CCNY: variants seen among roughly 807,000 people sequenced by gnomAD.
CCNY encodes the protein cyclin Y.
In CCNY, 19 loss-of-function variants were observed where a neutral mutation model predicts 42.8. The observed-to-expected ratio is 0.44, with a 90% confidence interval of 0.31 to 0.65. The LOEUF (loss-of-function observed/expected upper bound fraction) is 0.65, where lower values mean the gene tolerates loss of function less well. CCNY is among the 30% of genes least tolerant of loss of function. CCNY has a pLI of 0.07. For synonymous variants in CCNY, 165 were observed against 162.7 expected (o/e 1.01, Z -0.11); for missense variants, 370 against 437.3 (o/e 0.85, Z 1.37).
At chr10:35,564,535 C>T (rs1294556960) in intron 8 of CCNY, among the ~76,000 whole-genome samples, 2 of 152,214 alleles carry the variant, frequency 1.3e-5, no homozygotes, top group African/African-American at 4.8e-5. Flanking sequence ...CTCGGGACAT[C>T]ACTCAGGACA....
intron 2 of CCNY, among the ~76,000 whole-genome samples, chr10:35,489,541 C>T (rs545708295): frequency 6.6e-6 from 1 of 152,140 alleles, no homozygotes; most frequent in Non-Finnish European, 1.5e-5. Context: ...ACCTCATGAG[C>T]CACTGCACCC....
intron 7 of CCNY, among the ~76,000 whole-genome samples, chr10:35,544,393 T>C (rs2135439570): frequency 6.6e-6 from 1 of 152,346 alleles, no homozygotes; most frequent in Admixed American, 6.5e-5. Context: ...AGTCATGTGC[T>C]ATACAGGTTT....
intron 2 of CCNY, among the ~76,000 whole-genome samples, chr10:35,491,016 C>G (rs560350462): frequency 1.3e-5 from 2 of 152,332 alleles, no homozygotes; most frequent in East Asian, 3.9e-4. Flanking sequence ...ACTACCTCAC[C>G]TGTCTTTCCC....
At chr10:35,488,967 A>G (rs1309789043) in intron 2 of CCNY, among the ~76,000 whole-genome samples, 1 of 152,192 alleles carries the variant, frequency 6.6e-6, no homozygotes, top group Non-Finnish European at 1.5e-5. Context: ...TTATCACACT[A>G]TCATATTCTT....
chr10:35,330,495 C>T (rs927710955), intron 3 of CCNY, among the ~76,000 whole-genome samples: 2 of 152,212 alleles, frequency 1.3e-5, no homozygotes, highest in Non-Finnish European at 2.9e-5. Context: ...AAACTGTCAA[C>T]ATGAATATAT....
chr10:35,408,998 T>A (rs1055207588), intron 1 of CCNY, among the ~76,000 whole-genome samples: 8 of 152,156 alleles, frequency 5.3e-5, no homozygotes, highest in Non-Finnish European at 7.3e-5. Flanking sequence ...AAGAGTTATT[T>A]TGTCTTGACC....
In CCNY at chr10:35,280,389, G is replaced by A. The variant is rs879552112; in HGVS notation, c.-9+29763G>A. Among the ~76,000 whole-genome samples, 966 of 150,136 alleles carry A rather than the reference G, an allele frequency of 6.4e-3. 5 individuals are homozygous for A. The highest frequency in any genetic ancestry group is 0.011 in the Non-Finnish European group (732 of 67,598). On this transcript the variant is annotated intron_variant, in intron 3 of 11. Transcript: ENST00000374706. Reference sequence around the variant, plus strand: ...AGGAAGAAAGGAAGAAGGGAAGAAAGGAAGAAGGAAAGGAAGGAAGGAAGA... The same window carrying A: ...AGGAAGAAAGGAAGAAGGGAAGAAAAGAAGAAGGAAAGGAAGGAAGGAAGA...
intron 1 of CCNY, among the ~76,000 whole-genome samples, chr10:35,369,917 A>G (rs1361093327): frequency 1.3e-5 from 2 of 152,240 alleles, no homozygotes; most frequent in African/African-American, 4.8e-5. Flanking sequence ...TAAAAAGGTG[A>G]CCTGTTTATT....
At chr10:35,307,732 GTA>G (rs1214043971) in intron 3 of CCNY, among the ~76,000 whole-genome samples, 1 of 138,072 alleles carries the variant, frequency 7.2e-6, no homozygotes, top group African/African-American at 2.7e-5. Context: ...ACACATATAT[GTA>G]TATATATACA....
chr10:35,528,075 G>T (rs1840688817), intron 5 of CCNY, among the ~76,000 whole-genome samples: 2 of 152,090 alleles, frequency 1.3e-5, no homozygotes, highest in Non-Finnish European at 2.9e-5. Flanking sequence ...GCTTTCAGGG[G>T]CTCTCATTCT....
chr10:35,419,687 A>G (rs1388168469), intron 1 of CCNY, among the ~76,000 whole-genome samples: 7 of 151,438 alleles, frequency 4.6e-5, no homozygotes, highest in Non-Finnish European at 1.0e-4. Context: ...TTGATATACA[A>G]CTCAATTAGT....
At chr10:35,408,762 T>C (rs1010996350) in intron 1 of CCNY, among the ~76,000 whole-genome samples, 1 of 152,092 alleles carries the variant, frequency 6.6e-6, no homozygotes, top group Non-Finnish European at 1.5e-5. Flanking sequence ...AGTAATATGA[T>C]GGGTTGAGGG....
intron 3 of CCNY, among the ~76,000 whole-genome samples, chr10:35,512,494 C>G (rs1280057869): frequency 6.6e-6 from 1 of 152,070 alleles, no homozygotes; most frequent in African/African-American, 2.4e-5. Flanking sequence ...AGGAGGAAAC[C>G]CCAGAAAGAA....
At chr10:35,370,109 A>G (rs953578566) in intron 1 of CCNY, among the ~76,000 whole-genome samples, 1 of 152,058 alleles carries the variant, frequency 6.6e-6, no homozygotes, top group African/African-American at 2.4e-5. Context: ...AAGCATATAC[A>G]TATGCATATA....
intron 3 of CCNY, among the ~76,000 whole-genome samples, chr10:35,505,946 T>C (rs1840205793): frequency 6.6e-6 from 1 of 152,194 alleles, no homozygotes; most frequent in African/African-American, 2.4e-5. Context: ...GCCTTTTAGC[T>C]TTGAGTGAGG....
intron 3 of CCNY, among the ~76,000 whole-genome samples, chr10:35,266,475 A>C (rs948048609): frequency 6.6e-6 from 1 of 151,942 alleles, no homozygotes; most frequent in Non-Finnish European, 1.5e-5. Context: ...TAGCAGACTG[A>C]TTTAAAACAT....
chr10:35,449,593 C>T (rs1466957199), intron 1 of CCNY, among the ~76,000 whole-genome samples: 2 of 151,358 alleles, frequency 1.3e-5, no homozygotes, highest in African/African-American at 2.4e-5. Context: ...AGAGTAATTA[C>T]TACGCGTGCC....
At chr10:35,421,003 T>C (rs1838147097) in intron 1 of CCNY, among the ~76,000 whole-genome samples, 1 of 152,172 alleles carries the variant, frequency 6.6e-6, no homozygotes, top group African/African-American at 2.4e-5. Context: ...ACTTAACATT[T>C]ATTTGTTAGT....
At chr10:35,549,739 CCATGACCCTACAGTGCT>C (rs1841207187) in intron 7 of CCNY, among the ~76,000 whole-genome samples, 1 of 120,998 alleles carries the variant, frequency 8.3e-6, no homozygotes, top group Non-Finnish European at 1.7e-5. Flanking sequence ...TGCTCATGGC[CCATGACCCTACAGTGCT>C]CGTGACCCTG....
Sources: gnomAD v4.1 joint callset for allele counts (sites outside exome capture counted in the v4.1 genomes callset) on GRCh38, gnomAD v4.1.1 for gene constraint, MANE v1.5 for transcripts, NCBI Gene and HGNC (gene_info 2026-07-23, HGNC 2026-07-21) for gene names.